The following NLRP10 variants were observed in gnomAD, a reference collection of about 807,000 sequenced individuals.
NLRP10 encodes NACHT, LRR and PYD domains-containing protein 10.
A neutral mutation model predicts 8.2 loss-of-function variants in NLRP10; 7 were observed. That is an observed-to-expected ratio of 0.85 (90% CI 0.48 to 1.60). The LOEUF (loss-of-function observed/expected upper bound fraction) is 1.60, where lower values mean the gene tolerates loss of function less well. NLRP10 is among the 40% of genes most tolerant of loss of function. The pLI is 0.00. For synonymous variants in NLRP10, 338 were observed against 314.0 expected, an observed-to-expected ratio of 1.08 and a Z score of -0.81; for missense variants, 814 against 776.3, an observed-to-expected ratio of 1.05 and a Z score of -0.58.
At chr11:7,963,053 A>AACTT (rs2133644869) in intron 2 of NLRP10, among the ~76,000 whole-genome samples, 154 bp downstream of exon 2, 1 of 152,288 alleles carries the variant, frequency 6.6e-6, no homozygotes, top group East Asian at 1.9e-4. Flanking sequence ...TGGAACCCTC[A>AACTT]GGTGGAGACC....
chr11:7,960,664 A>C lies in NLRP10; in HGVS notation c.948T>G (p.Ser316=). ...TGAAGTACCTCGCCCTCTCCTCCTC[A>C]GAGAAGCCTAGGATATGGACATGAC... ...QARHVHILGF[S]EEERARYFSS... Residue 316 remains serine, a synonymous_variant, in exon 3 of 3, where the codon TCT becomes TCG. Coordinates refer to ENST00000691676, the MANE Select transcript of NLRP10 (RefSeq NM_001391958.1). 6.2e-7 allele frequency: 1 copy of C among 1,614,190 alleles called. No homozygotes were observed. Among genetic ancestry groups the C allele is most frequent in the Non-Finnish European group, 8.5e-7 (1 of 1,180,040 alleles).
rs764442976 is a variant in NLRP10, at chr11:7,959,690, C to CCAGTAGAAG, written c.1913_1921dup (p.Ala638_Thr640dup). ...TGTTTCCTCTGTCCCTCTGCCTTTTCCAGTAGAAGCTTCCTTTTGTGTTCC... is the reference window on the plus strand; with the variant it reads ...TGTTTCCTCTGTCCCTCTGCCTTTTCCAGTAGAAGCAGTAGAAGCTTCCTTTTGTGTTCC... On this transcript the variant is annotated inframe_insertion, in exon 3 of 3. Transcript: ENST00000691676. The CCAGTAGAAG allele has an allele frequency of 6.3e-7, 1 of 1,593,850 alleles. No individual in the cohort carries two copies. The highest frequency in any genetic ancestry group is 8.5e-7 in the Non-Finnish European group (1 of 1,174,958).
At chr11:7,964,370 C>T (rs1402412039) in intron 1 of NLRP10, among the ~76,000 whole-genome samples, 3 of 152,212 alleles carry the variant, frequency 2.0e-5, no homozygotes, top group African/African-American at 7.2e-5. Flanking sequence ...CTCCTGGCCT[C>T]AGTCACACAG....
chr11:7,963,930 A>AT (rs1232869200), intron 1 of NLRP10, among the ~76,000 whole-genome samples: 1 of 151,208 alleles, frequency 6.6e-6, no homozygotes. Flanking sequence ...TTTTTATTTT[A>AT]TTTTTTTTGG....
intron 2 of NLRP10, among the ~76,000 whole-genome samples, chr11:7,961,615 G>A (rs1288584726): frequency 1.3e-5 from 2 of 152,172 alleles, no homozygotes; most frequent in African/African-American, 4.8e-5. Flanking sequence ...TTCATGTACT[G>A]TTGTGGAGGG....
rs1183778448 is a variant in NLRP10 at position 7,958,224 on chromosome 11, G to C, written c.*1420C>G. ...TGGACATAAGTTTCCAACTCACTTG[G>C]GTTAATATCTAGGAGCATAATTGCT... On this transcript the variant is annotated 3_prime_UTR_variant, in exon 3 of 3. Transcript: ENST00000691676. Among the ~76,000 whole-genome samples the C allele has an allele frequency of 6.6e-6, 1 of 152,058 alleles. No individual in the cohort carries two copies. The highest frequency in any genetic ancestry group is 2.4e-5 in the African/African-American group (1 of 41,392).
In NLRP10 at chr11:7,961,286, A is replaced by T; in HGVS notation, c.326T>A (p.Leu109Gln). The stretch of plus-strand genomic sequence containing the variant: ...GACTCCTGCTTCCTGCCATTCCTCT[A>T]GGCAGCGCACATGCTCTCGGTATAC... Reference protein sequence around the residue: ...REVYREHVRCLEEWQEAGVNG... With the variant: ...REVYREHVRCQEEWQEAGVNG... The change falls in exon 3 of 3, where the codon CTA (leucine) becomes CAA (glutamine). Residue 109 changes from leucine to glutamine, a missense_variant. Physicochemically the swap from Leu to Gln is moderately radical, Grantham distance 113 (BLOSUM62 -2). Coordinates refer to ENST00000691676, the MANE Select transcript of NLRP10 (RefSeq NM_001391958.1). The T allele has an allele frequency of 6.3e-7, 1 of 1,599,010 alleles. No individual in the cohort carries two copies. The highest frequency in any genetic ancestry group is 1.3e-5 in the African/African-American group (1 of 74,338).
Position 7,963,370 on chromosome 11 carries a change from G to C in NLRP10, c.126C>G (p.Pro42=). 6.2e-7 allele frequency: 1 copy of C among 1,614,072 alleles called. No homozygotes were observed. Among genetic ancestry groups the C allele is most frequent in the Non-Finnish European group, 8.5e-7 (1 of 1,179,912 alleles). ...CCTCCAACTCCCCTCTGGCCAGTGG[G>C]GGCTGGCCCTCAGACAGGGTCATAT... The part of the protein sequence containing the change: ...LRDMTLSEGQ[P]PLARGELEGL... Residue 42 remains proline, a synonymous_variant, in exon 2 of 3, where the codon CCC becomes CCG. Transcript: ENST00000691676.
rs147291832 is a variant in NLRP10 at position 7,960,482 on chromosome 11, G to A, written c.1130C>T (p.Thr377Ile). 7.2e-4 allele frequency: 1,155 copies of A among 1,614,132 alleles called. 14 individuals are homozygous for A. The South Asian group carries it at 0.011, about 15-fold the overall frequency. ...QMERGKVVLE[T>I]PRNSTDIFMA... ...GAAGATGTCAGTGCTGTTTCTAGGTGTCTCTAAGACAACTTTGCCTCTCTC... is the reference window on the plus strand; with the variant it reads ...GAAGATGTCAGTGCTGTTTCTAGGTATCTCTAAGACAACTTTGCCTCTCTC... The change falls in exon 3 of 3, where the codon ACA becomes ATA. Residue 377 changes from threonine to isoleucine, a missense_variant. Thr to Ile is a moderately conservative substitution (Grantham distance 89). Coordinates refer to ENST00000691676, the MANE Select transcript of NLRP10 (RefSeq NM_001391958.1).
rs1941769744 is a variant in NLRP10 at position 7,963,567 on chromosome 11, C to T, written c.-45-27G>A. The T allele has an allele frequency of 2.9e-5, 41 of 1,431,508 alleles. No homozygotes were observed. The South Asian group carries it at 5.3e-4, about 18-fold the overall frequency. The allele number at this position is 1,431,508 out of a possible 1,614,324, so 88.7% of individuals were successfully genotyped here. On this transcript the variant is annotated intron_variant, in intron 1 of 2. Coordinates refer to ENST00000691676, the MANE Select transcript of NLRP10 (RefSeq NM_001391958.1). ...TGGAGAAAGAGGCAAAAGGAGAGGT[C>T]CACTGCTGAGAGGCCCACCCTGCTT...
At position 7,960,571 on chromosome 11, in the gene NLRP10, G is replaced by A. The variant is rs1564877791; in HGVS notation, c.1041C>T (p.Leu347=). 1.2e-6 allele frequency: 2 copies of A among 1,614,180 alleles called. No individual in the cohort carries two copies. The highest frequency in any genetic ancestry group is 1.7e-6 in the Non-Finnish European group (2 of 1,180,016). The change falls in exon 3 of 3, where the codon CTC becomes CTT. Residue 347 remains leucine (L), a synonymous_variant. Transcript: ENST00000691676. ...TGCCTGGAACCTGACACGCTTTGTA[G>A]AGAATGTCATTTTTCTGTACAATGT... The part of the protein sequence containing the change: ...AFDIVQKNDI[L]YKACQVPGIC...
rs778892510 is a variant in NLRP10, at chr11:7,960,655, C to T, written c.957G>A (p.Glu319=). ...HVHILGFSEE[E]RARYFSSYFT... is the part of the protein sequence containing the mutation. ...AATAGGAGCTGAAGTACCTCGCCCT[C>T]TCCTCCTCAGAGAAGCCTAGGATAT... The change falls in exon 3 of 3, where the codon GAG becomes GAA. Residue 319 remains glutamate, a synonymous_variant. Coordinates refer to ENST00000691676, the MANE Select transcript of NLRP10 (RefSeq NM_001391958.1). 1.9e-6 allele frequency: 3 copies of T among 1,614,190 alleles called. No homozygotes were observed. Among genetic ancestry groups the T allele is most frequent in the Admixed American group, 3.3e-5 (2 of 60,030 alleles).
chr11:7,963,645 T>G (rs1470428228), intron 1 of NLRP10, 105 bp from the exon 2 acceptor site: 2 of 624,722 alleles, frequency 3.2e-6, no homozygotes, highest in Admixed American at 3.0e-5. Flanking sequence ...ACGAGATACA[T>G]GTGCAAAGCT....
intron 1 of NLRP10, among the ~76,000 whole-genome samples, chr11:7,963,895 T>C (rs1003711177): frequency 2.0e-5 from 3 of 151,584 alleles, no homozygotes; most frequent in Non-Finnish European, 4.4e-5. Context: ...CTTAGACGGA[T>C]GGATTAAGAA....
rs1374300911 is a variant in NLRP10, at chr11:7,958,147, T to C, written c.*1497A>G. On this transcript the variant is annotated 3_prime_UTR_variant, in exon 3 of 3. Transcript: ENST00000691676. The stretch of plus-strand genomic sequence containing the variant: ...AAGGACATCTTGGTTGCTTCCAAAT[T>C]TGGGCAATTACGAATAAAGCTGCTA... Among the ~76,000 whole-genome samples, 2 of 152,198 alleles carry C rather than the reference T, an allele frequency of 1.3e-5. No homozygotes were observed. Among genetic ancestry groups the C allele is most frequent in the African/African-American group, 4.8e-5 (2 of 41,456 alleles).
chr11:7,959,634 T>A lies in NLRP10; in HGVS notation c.*10A>T. On this transcript the variant is annotated 3_prime_UTR_variant, in exon 3 of 3. Coordinates refer to ENST00000691676, the MANE Select transcript of NLRP10 (RefSeq NM_001391958.1). Reference sequence around the variant, plus strand: ...TTCCTCATAGAGATCTTGTACATATTTAATTAGGTTTATATGTAAGTATTT... The same window carrying A: ...TTCCTCATAGAGATCTTGTACATATATAATTAGGTTTATATGTAAGTATTT... 7.5e-7 allele frequency: 1 copy of A among 1,338,332 alleles called. No homozygotes were observed. Among genetic ancestry groups the A allele is most frequent in the Non-Finnish European group, 1.0e-6 (1 of 965,942 alleles). 82.9% of individuals were successfully genotyped at this position (1,338,332 alleles called of 1,614,324 possible). A position where few individuals can be genotyped will look rare whatever the true frequency, so the allele number is the denominator to read the frequency against.
chr11:7,959,043 C>T lies in NLRP10; in HGVS notation c.*601G>A, dbSNP rs967449490. 1.3e-5 allele frequency among the ~76,000 whole-genome samples: 2 copies of T among 152,078 alleles called. No homozygotes were observed. Among genetic ancestry groups the T allele is most frequent in the African/African-American group, 2.4e-5 (1 of 41,406 alleles). On this transcript the variant is annotated 3_prime_UTR_variant, in exon 3 of 3. Transcript: ENST00000691676. ...TTTGCTGTTATATCTAAAAAGTCAT[C>T]GCCAAACCCAAGGTCACCTAGATTT...
At position 7,958,388 on chromosome 11, in the gene NLRP10, T is replaced by C. The variant is rs746008970; in HGVS notation, c.*1256A>G. ...TCCACATCCTAACAAGCATTTAGTG[T>C]TGCCAGGATTTGGGATGTTAGCCAT... On this transcript the variant is annotated 3_prime_UTR_variant, in exon 3 of 3. Transcript: ENST00000691676. Among the ~76,000 whole-genome samples the C allele has an allele frequency of 3.9e-5, 6 of 152,214 alleles. No homozygotes were observed. Among genetic ancestry groups the C allele is most frequent in the Non-Finnish European group, 4.4e-5 (3 of 68,038 alleles).
In NLRP10 at chr11:7,959,436, T is replaced by A. The variant is rs1941675174; in HGVS notation, c.*208A>T. 2.1e-6 allele frequency: 1 copy of A among 485,310 alleles called. No homozygotes were observed. The highest frequency in any genetic ancestry group is 3.8e-5 in the Admixed American group (1 of 26,040). 30.1% of individuals were successfully genotyped at this position (485,310 alleles called of 1,614,324 possible). A position where few individuals can be genotyped will look rare whatever the true frequency, so the allele number is the denominator to read the frequency against. On this transcript the variant is annotated 3_prime_UTR_variant, in exon 3 of 3. Coordinates refer to ENST00000691676, the MANE Select transcript of NLRP10 (RefSeq NM_001391958.1). ...GCACATAAACATTAGAATCATCTTA[T>A]CAATGTCCACAAAGTTATTTGCTGG...
Sources: gnomAD v4.1 joint callset for allele counts (sites outside exome capture counted in the v4.1 genomes callset) on GRCh38, gnomAD v4.1.1 for gene constraint, MANE v1.5 for transcripts, NCBI Gene and HGNC (gene_info 2026-07-23, HGNC 2026-07-21) for gene names.